SP140L: variants seen among roughly 807,000 people sequenced by gnomAD.
SP140L encodes nuclear body protein SP140-like protein.
Under a neutral mutation model 84.3 loss-of-function variants are expected in SP140L, and 64 were observed. That is an observed-to-expected ratio of 0.76 (90% CI 0.62 to 0.94). The LOEUF is 0.94. Among genes scored for constraint, SP140L ranks in the 40% least tolerant of loss-of-function variants. The probability of loss-of-function intolerance (pLI) is 0.00; values close to 1 mark genes in which losing one functional copy is unlikely to be tolerated. For missense variants in SP140L, 628 were observed against 692.5 expected (o/e 0.91, Z 1.05); for synonymous variants, 242 against 236.9 (o/e 1.02, Z -0.20).
intron 14 of SP140L, among the ~76,000 whole-genome samples, chr2:230,397,187 A>G (rs1200766942): frequency 6.6e-6 from 1 of 152,202 alleles, no homozygotes; most frequent in African/African-American, 2.4e-5. Context: ...AGTAAGGGGT[A>G]TGGATGAAAG....
At position 230,337,053 on chromosome 2, in the gene SP140L, C is replaced by T. The variant is rs994676200; in HGVS notation, c.107+8222C>T. ...TTAATGGCGTTTCTAGTTCTAGATC[C>T]TTGAGGAATCGCCACACTGACTTCC... On this transcript the variant is annotated intron_variant, in intron 2 of 18. Coordinates refer to ENST00000415673, the MANE Select transcript of SP140L (RefSeq NM_138402.6). Among the ~76,000 whole-genome samples, 3 of 152,154 alleles carry T rather than the reference C, an allele frequency of 2.0e-5. 1 individual carries two copies. Among genetic ancestry groups the T allele is most frequent in the Admixed American group, 1.3e-4 (2 of 15,274 alleles).
chr2:230,330,740 C>T lies in SP140L; in HGVS notation c.107+1909C>T, dbSNP rs376171684. Among the ~76,000 whole-genome samples the T allele has an allele frequency of 1.1e-4, 16 of 152,250 alleles. No individual in the cohort carries two copies. In the East Asian group the frequency reaches 1.2e-3, roughly 11 times the overall value. The stretch of plus-strand genomic sequence containing the variant: ...AACTATAGTAGTCCTTCTTTATCCA[C>T]GGTTTCACTTTCTGAGGTTTCATTT... On this transcript the variant is annotated intron_variant, in intron 2 of 18. Coordinates refer to ENST00000415673, the MANE Select transcript of SP140L (RefSeq NM_138402.6).
intron 2 of SP140L, 92 bp downstream of exon 2, chr2:230,328,923 C>A: frequency 2.1e-6 from 3 of 1,455,788 alleles, no homozygotes; most frequent in South Asian, 2.9e-5. Flanking sequence ...ACTGAAATTT[C>A]CTCTTCCATA....
chr2:230,384,087 A>T (rs1358858954), intron 8 of SP140L, among the ~76,000 whole-genome samples: 2 of 152,176 alleles, frequency 1.3e-5, no homozygotes, highest in Non-Finnish European at 2.9e-5. Flanking sequence ...GTTCATTTAT[A>T]AAGATATATG....
chr2:230,400,547 GA>G (rs995135949), intron 15 of SP140L: 490 of 469,114 alleles, frequency 1.0e-3, no homozygotes, highest in Non-Finnish European at 1.6e-3. Flanking sequence ...GGGGGTTGAG[GA>G]AAAAAAACAC....
intron 9 of SP140L, among the ~76,000 whole-genome samples, chr2:230,388,208 A>G (rs2061665375): frequency 6.6e-6 from 1 of 152,166 alleles, no homozygotes; most frequent in Non-Finnish European, 1.5e-5. Flanking sequence ...ATTATATGCC[A>G]TATATATATT....
intron 13 of SP140L, among the ~76,000 whole-genome samples, chr2:230,395,540 A>G (rs1438563765): frequency 1.3e-5 from 2 of 152,330 alleles, no homozygotes; most frequent in Admixed American, 6.5e-5. Flanking sequence ...TGATTTTATC[A>G]TGGCATTCTA....
Position 230,327,196 on chromosome 2 carries a change from C to CT in SP140L, c.-73dup. 1 of 1,527,948 alleles carries CT rather than the reference C, an allele frequency of 6.5e-7. No individual in the cohort carries two copies. The highest frequency in any genetic ancestry group is 8.9e-7 in the Non-Finnish European group (1 of 1,122,200). The allele number at this position is 1,527,948 out of a possible 1,614,324, so 94.6% of individuals were successfully genotyped here. On this transcript the variant is annotated 5_prime_UTR_variant, in exon 1 of 19. Coordinates refer to ENST00000415673, the MANE Select transcript of SP140L (RefSeq NM_138402.6). Reference sequence around the variant, plus strand: ...CCTGCTCCGGGTCAGGGCAGCCACACTGCACGCAGGCTGGGCCGACTGGGG... The same window carrying CT: ...CCTGCTCCGGGTCAGGGCAGCCACACTTGCACGCAGGCTGGGCCGACTGGGG...
At chr2:230,353,857 G>A (rs1278527475) in intron 2 of SP140L, among the ~76,000 whole-genome samples, 6 of 151,950 alleles carry the variant, frequency 3.9e-5, no homozygotes, top group Admixed American at 3.9e-4. Flanking sequence ...GAGTTTCATA[G>A]GTTTTATAAG....
At chr2:230,385,763 C>T (rs1253574747) in intron 9 of SP140L, among the ~76,000 whole-genome samples, 1 of 152,174 alleles carries the variant, frequency 6.6e-6, no homozygotes, top group African/African-American at 2.4e-5. Flanking sequence ...TATTAAAACT[C>T]CAATGTCCTC....
intron 2 of SP140L, among the ~76,000 whole-genome samples, chr2:230,338,484 T>C (rs1274336470): frequency 3.0e-4 from 36 of 120,008 alleles, no homozygotes; most frequent in Admixed American, 5.2e-4. Flanking sequence ...GAATACCCTT[T>C]ATTTCCTTCT....
intron 5 of SP140L, among the ~76,000 whole-genome samples, chr2:230,365,683 T>C (rs1201806522): frequency 6.6e-6 from 1 of 152,030 alleles, no homozygotes; most frequent in Non-Finnish European, 1.5e-5. Context: ...TTGGCTTTAG[T>C]TTTCCTTTTT....
At chr2:230,397,101 C>T (rs1294230769) in intron 14 of SP140L, among the ~76,000 whole-genome samples, 1 of 152,134 alleles carries the variant, frequency 6.6e-6, no homozygotes, top group Non-Finnish European at 1.5e-5. Context: ...TGAAACAGAG[C>T]TTGAAGTGGT....
At chr2:230,371,260 A>G (rs2061059830) in intron 6 of SP140L, among the ~76,000 whole-genome samples, 1 of 152,252 alleles carries the variant, frequency 6.6e-6, no homozygotes, top group East Asian at 1.9e-4. Flanking sequence ...CATGGAACCC[A>G]AGATAACCCA....
At chr2:230,382,406 G>A (rs1019034319) in intron 7 of SP140L, among the ~76,000 whole-genome samples, 1 of 152,112 alleles carries the variant, frequency 6.6e-6, no homozygotes, top group Admixed American at 6.6e-5. Context: ...ACCTCCTAGG[G>A]TTGGAGGTGT....
intron 12 of SP140L, among the ~76,000 whole-genome samples, chr2:230,393,039 G>A (rs1375600074): frequency 6.6e-6 from 1 of 152,092 alleles, no homozygotes; most frequent in Non-Finnish European, 1.5e-5. Flanking sequence ...ATTGATCAGA[G>A]TGACTGACAC....
chr2:230,371,716 C>A (rs2149767315), intron 7 of SP140L, 65 bp downstream of exon 7: 2 of 1,379,148 alleles, frequency 1.5e-6, no homozygotes, highest in South Asian at 2.4e-5. Flanking sequence ...CCAGAGTTTT[C>A]TTTTTGTCAT....
At chr2:230,401,958 G>T (rs1245342503) in intron 18 of SP140L, among the ~76,000 whole-genome samples, 151 bp downstream of exon 18, 4 of 152,158 alleles carry the variant, frequency 2.6e-5, no homozygotes, top group Middle Eastern at 3.2e-3. Context: ...CAGAACTTAA[G>T]CTCTTCTTAG....
chr2:230,391,003 A>T (rs1559456004), intron 11 of SP140L, among the ~76,000 whole-genome samples: 1 of 152,160 alleles, frequency 6.6e-6, no homozygotes, highest in East Asian at 1.9e-4. Context: ...CCCTTTCATG[A>T]CTGGCTGCTT....
Sources: allele counts gnomAD v4.1 joint callset (sites outside exome capture counted in the v4.1 genomes callset), GRCh38; gene constraint gnomAD v4.1.1; transcripts MANE v1.5; gene names NCBI Gene and HGNC (gene_info 2026-07-23, HGNC 2026-07-21).